GNB1: variants seen among roughly 807,000 people sequenced by gnomAD.
The protein encoded by GNB1 is G protein subunit beta 1.
A neutral mutation model predicts 42.9 loss-of-function variants in GNB1; 2 were observed. That is an observed-to-expected ratio of 0.05 (90% CI 0.02 to 0.15). The LOEUF (loss-of-function observed/expected upper bound fraction) is 0.15, where lower values mean the gene tolerates loss of function less well. Ranked by LOEUF, GNB1 falls within the 10% of genes least tolerant of loss-of-function variation. GNB1 has a pLI of 1.00. For missense variants in GNB1, 193 were observed against 462.2 expected, an observed-to-expected ratio of 0.42 and a Z score of 5.34; for synonymous variants, 183 against 174.7, an observed-to-expected ratio of 1.05 and a Z score of -0.38.
At chr1:1,789,410 G>A (rs1646450572) in intron 9 of GNB1, 141 bp from the exon 10 acceptor site, 6 of 622,258 alleles carry the variant, frequency 9.6e-6, no homozygotes, top group Non-Finnish European at 1.4e-5. Context: ...ACAGAGGGCT[G>A]GGCCGGGTGC....
chr1:1,829,181 C>T (rs879417235), intron 2 of GNB1, among the ~76,000 whole-genome samples: 4 of 152,050 alleles, frequency 2.6e-5, no homozygotes, highest in African/African-American at 7.2e-5. Flanking sequence ...CTCAGCCTCC[C>T]GAGTAGCTGG....
intron 1 of GNB1, among the ~76,000 whole-genome samples, chr1:1,883,743 G>T (rs1250409030): frequency 6.6e-6 from 1 of 152,210 alleles, no homozygotes; most frequent in Non-Finnish European, 1.5e-5. Context: ...AAGTTGAACT[G>T]ATCTTGATTT....
chr1:1,868,587 C>T (rs1557941802), intron 1 of GNB1, among the ~76,000 whole-genome samples: 1 of 152,056 alleles, frequency 6.6e-6, no homozygotes, highest in African/African-American at 2.4e-5. Flanking sequence ...TCAAGACCAG[C>T]CTAGCCAAGA....
intron 7 of GNB1, among the ~76,000 whole-genome samples, chr1:1,801,891 A>C (rs1450555577): frequency 1.3e-5 from 2 of 152,356 alleles, no homozygotes; most frequent in East Asian, 3.9e-4. Flanking sequence ...AGTTAAGCTG[A>C]AAGGACCCCC....
chr1:1,831,529 AC>A (rs1423694751), intron 2 of GNB1, among the ~76,000 whole-genome samples: 5 of 151,774 alleles, frequency 3.3e-5, no homozygotes, highest in African/African-American at 1.2e-4. Flanking sequence ...GCTCACTGCA[AC>A]CTCCACCTCC....
intron 1 of GNB1, among the ~76,000 whole-genome samples, chr1:1,845,117 T>C (rs1443780817): frequency 6.6e-6 from 1 of 152,102 alleles, no homozygotes; most frequent in African/African-American, 2.4e-5. Flanking sequence ...TAGAGTTCAG[T>C]ATCAATAAAA....
chr1:1,826,971 T>A (rs1026795665), intron 2 of GNB1, among the ~76,000 whole-genome samples: 1 of 152,192 alleles, frequency 6.6e-6, no homozygotes, highest in Non-Finnish European at 1.5e-5. Flanking sequence ...CCCTTACAAT[T>A]AGCTCTCACA....
At chr1:1,796,202 G>T (rs1325746142) in intron 7 of GNB1, among the ~76,000 whole-genome samples, 1 of 152,202 alleles carries the variant, frequency 6.6e-6, no homozygotes, top group Non-Finnish European at 1.5e-5. Flanking sequence ...TGTTCAGGTT[G>T]GGGGGTGAGG....
intron 1 of GNB1, among the ~76,000 whole-genome samples, chr1:1,860,795 T>C (rs1648580801): frequency 1.3e-5 from 2 of 152,002 alleles, no homozygotes; most frequent in South Asian, 4.1e-4. Context: ...CCTCACCTAC[T>C]GCTCTGCCCC....
chr1:1,874,653 T>C (rs1649439129), intron 1 of GNB1, among the ~76,000 whole-genome samples: 1 of 140,052 alleles, frequency 7.1e-6, no homozygotes, highest in Admixed American at 7.4e-5. Flanking sequence ...TAGCTGGGCA[T>C]GCTGGCACAC....
chr1:1,854,244 ACT>A (rs944628116), intron 1 of GNB1, among the ~76,000 whole-genome samples: 1 of 152,162 alleles, frequency 6.6e-6, no homozygotes, highest in African/African-American at 2.4e-5. Context: ...AGAGAAGGCC[ACT>A]CTGGTGTGGA....
intron 3 of GNB1, among the ~76,000 whole-genome samples, chr1:1,821,537 A>G (rs1646929983): frequency 6.6e-6 from 1 of 152,252 alleles, no homozygotes; most frequent in Non-Finnish European, 1.5e-5. Flanking sequence ...GGCAATCAGG[A>G]AAAAATGTTC....
At chr1:1,877,675 T>C (rs1414546092) in intron 1 of GNB1, among the ~76,000 whole-genome samples, 2 of 152,086 alleles carry the variant, frequency 1.3e-5, no homozygotes, top group Non-Finnish European at 2.9e-5. Flanking sequence ...ATGTTTTTAT[T>C]AGCAAAATGA....
At chr1:1,849,015 C>G (rs1030065106) in intron 1 of GNB1, among the ~76,000 whole-genome samples, 38 of 152,190 alleles carry the variant, frequency 2.5e-4, no homozygotes, top group African/African-American at 6.5e-4. Context: ...GGCTGGTCAC[C>G]AGAAAGACAA....
rs1173466617 is a variant in GNB1 at position 1,864,314 on chromosome 1, C to CAAAAAAAA, written c.-95-25084_-95-25077dup. On this transcript the variant is annotated intron_variant, in intron 1 of 11. Transcript: ENST00000378609. ...CTGGGTGACAAGAGCAAGACTCTCT[C>CAAAAAAAA]AAAAAAAAAAAAAAAAAAAAAAGAA... Among the ~76,000 whole-genome samples the CAAAAAAAA allele has an allele frequency of 6.7e-3, 251 of 37,706 alleles. 14 individuals carry two copies. The highest frequency in any genetic ancestry group is 0.026 in the Admixed American group (45 of 1,752). 24.7% of individuals were successfully genotyped at this position (37,706 alleles called of 152,430 possible).
At chr1:1,813,134 T>C (rs1457970268) in intron 5 of GNB1, among the ~76,000 whole-genome samples, 2 of 152,038 alleles carry the variant, frequency 1.3e-5, no homozygotes, top group African/African-American at 4.8e-5. Flanking sequence ...CTAACATAGA[T>C]AGACTAGTAA....
At chr1:1,885,006 A>C (rs1650068323) in intron 1 of GNB1, among the ~76,000 whole-genome samples, 1 of 152,096 alleles carries the variant, frequency 6.6e-6, no homozygotes, top group African/African-American at 2.4e-5. Flanking sequence ...TAACAGGTGA[A>C]TGAATTAATA....
Position 1,878,215 on chromosome 1 carries a change from C to A in GNB1, c.-96+12605G>T, listed in dbSNP as rs78934919. Among the ~76,000 whole-genome samples, 456 of 152,268 alleles carry A rather than the reference C, an allele frequency of 3.0e-3. 18 individuals carry two copies. In the East Asian group the frequency reaches 0.073, roughly 24 times the overall value. On this transcript the variant is annotated intron_variant, in intron 1 of 11. Coordinates refer to ENST00000378609, the MANE Select transcript of GNB1 (RefSeq NM_002074.5). The stretch of plus-strand genomic sequence containing the variant: ...GTGCAAGAAAGATACCCAACAAATG[C>A]GAGCTAATGGCACAGGCATCTTCAA...
intron 1 of GNB1, among the ~76,000 whole-genome samples, chr1:1,856,111 T>C (rs1223386654): frequency 6.6e-6 from 1 of 151,910 alleles, no homozygotes; most frequent in African/African-American, 2.4e-5. Flanking sequence ...CAGCCTCAAA[T>C]TCCTGGGCTC....
Sources: gnomAD v4.1 joint callset for allele counts (sites outside exome capture counted in the v4.1 genomes callset) on GRCh38, gnomAD v4.1.1 for gene constraint, MANE v1.5 for transcripts, NCBI Gene and HGNC (gene_info 2026-07-23, HGNC 2026-07-21) for gene names.